The following NCAM1 variants were observed in gnomAD, a reference collection of about 807,000 sequenced individuals.
NCAM1 encodes the protein antigen recognized by monoclonal antibody 5.1H11.
NCAM1 carries 14 observed loss-of-function variants against 109.8 expected under a neutral mutation model. The ratio of observed to expected loss-of-function variants is 0.13; its 90% confidence interval spans 0.08 to 0.20. The LOEUF is 0.20. NCAM1 is among the 10% of genes least tolerant of loss of function. NCAM1 has a pLI of 1.00. For missense variants in NCAM1, 774 were observed against 1,109.9 expected (o/e 0.70, Z 4.30); for synonymous variants, 418 against 442.9 (o/e 0.94, Z 0.70).
chr11:113,256,311 T>C (rs1945832961), intron 16 of NCAM1, among the ~76,000 whole-genome samples: 2 of 152,214 alleles, frequency 1.3e-5, no homozygotes, highest in South Asian at 4.1e-4. Flanking sequence ...TAGTACTTCT[T>C]GTAAATGCCA....
chr11:113,268,851 G>T (rs201722905), intron 17 of NCAM1, among the ~76,000 whole-genome samples: 1 of 152,178 alleles, frequency 6.6e-6, no homozygotes. Flanking sequence ...GGTTGGGAGT[G>T]GGGTGGCTGG....
chr11:113,194,512 A>G (rs1943792967), intron 1 of NCAM1, among the ~76,000 whole-genome samples: 2 of 152,164 alleles, frequency 1.3e-5, no homozygotes, highest in Admixed American at 6.5e-5. Context: ...TGCTTGCTCT[A>G]TGAGTGTAAA....
chr11:113,242,208 A>G (rs1945347838), intron 14 of NCAM1, among the ~76,000 whole-genome samples: 1 of 152,270 alleles, frequency 6.6e-6, no homozygotes, highest in Non-Finnish European at 1.5e-5. Context: ...AGCATTTAGC[A>G]GCTGGAATTA....
intron 1 of NCAM1, among the ~76,000 whole-genome samples, chr11:113,177,071 AG>A (rs1450682971): frequency 1.6e-4 from 25 of 152,224 alleles, no homozygotes; most frequent in African/African-American, 5.1e-4. Context: ...ACAATGTGGC[AG>A]GGGTCATTGG....
At chr11:113,139,429 A>G (rs1941730136) in intron 1 of NCAM1, among the ~76,000 whole-genome samples, 1 of 151,162 alleles carries the variant, frequency 6.6e-6, no homozygotes, top group African/African-American at 2.4e-5. Flanking sequence ...TTTTTTTTTT[A>G]ACAAAATCTA....
chr11:113,195,054 C>G (rs371503187), intron 1 of NCAM1, among the ~76,000 whole-genome samples: 26 of 152,312 alleles, frequency 1.7e-4, no homozygotes, highest in African/African-American at 6.3e-4. Context: ...CTTCCAGTGG[C>G]AATTAATGTA....
chr11:113,147,660 G>A (rs895696431), intron 1 of NCAM1, among the ~76,000 whole-genome samples: 1 of 152,176 alleles, frequency 6.6e-6, no homozygotes, highest in African/African-American at 2.4e-5. Context: ...CTTGTAACAG[G>A]GACAGCTCCT....
chr11:113,121,723 G>T (rs1555096101), intron 1 of NCAM1, among the ~76,000 whole-genome samples: 1 of 152,028 alleles, frequency 6.6e-6, no homozygotes, highest in African/African-American at 2.4e-5. Context: ...TCCTTCTCCA[G>T]GAAAATAGAA....
intron 1 of NCAM1, among the ~76,000 whole-genome samples, chr11:113,004,753 T>G (rs76353047): frequency 3.7e-4 from 57 of 152,162 alleles, no homozygotes; most frequent in Non-Finnish European, 6.9e-4. Flanking sequence ...TGTTAGACAC[T>G]CAATGGGATT....
At chr11:112,993,288 G>A (rs1951513222) in intron 1 of NCAM1, among the ~76,000 whole-genome samples, 1 of 152,078 alleles carries the variant, frequency 6.6e-6, no homozygotes, top group Admixed American at 6.6e-5. Context: ...ATATCACATG[G>A]GGAAAGTAGG....
chr11:113,101,272 A>C (rs1483305738), intron 1 of NCAM1, among the ~76,000 whole-genome samples: 4 of 152,180 alleles, frequency 2.6e-5, no homozygotes, highest in African/African-American at 4.8e-5. Context: ...CAGTGCCAGG[A>C]AATTTTAATA....
At chr11:113,119,493 A>G (rs916985423) in intron 1 of NCAM1, among the ~76,000 whole-genome samples, 3 of 152,046 alleles carry the variant, frequency 2.0e-5, no homozygotes, top group Non-Finnish European at 2.9e-5. Context: ...TTTTTGTTGG[A>G]ATGGCTGGTA....
chr11:113,237,865 GATATATAGAT>G (rs1217272891), intron 14 of NCAM1, among the ~76,000 whole-genome samples: 5 of 65,846 alleles, frequency 7.6e-5, no homozygotes, highest in South Asian at 9.7e-4. Flanking sequence ...CATATATATA[GATATATAGAT>G]ATATATAGAT....
At chr11:113,021,666 A>G (rs1952388311) in intron 1 of NCAM1, among the ~76,000 whole-genome samples, 1 of 152,270 alleles carries the variant, frequency 6.6e-6, no homozygotes, top group Non-Finnish European at 1.5e-5. Context: ...GCAACTAATA[A>G]TGCCACAGCG....
intron 1 of NCAM1, among the ~76,000 whole-genome samples, chr11:113,199,757 C>T (rs895279545): frequency 1.4e-5 from 2 of 143,916 alleles, no homozygotes; most frequent in Non-Finnish European, 3.0e-5. Context: ...ACATTGTGCA[C>T]ATGTACCCTA....
intron 1 of NCAM1, among the ~76,000 whole-genome samples, chr11:113,147,026 C>T (rs1942044198): frequency 6.6e-6 from 1 of 151,222 alleles, no homozygotes; most frequent in African/African-American, 2.4e-5. Context: ...GAAGAATGAT[C>T]TCAATTGATA....
intron 1 of NCAM1, among the ~76,000 whole-genome samples, chr11:112,996,461 G>A (rs1360921433): frequency 6.6e-6 from 1 of 152,090 alleles, no homozygotes; most frequent in African/African-American, 2.4e-5. Context: ...ATGACATAAC[G>A]TACTTAACCT....
At chr11:113,020,496 T>C (rs184033480) in intron 1 of NCAM1, among the ~76,000 whole-genome samples, 7 of 152,304 alleles carry the variant, frequency 4.6e-5, no homozygotes, top group Admixed American at 2.0e-4. Context: ...ACCTTTGAAC[T>C]GTCCCTTATA....
intron 7 of NCAM1, among the ~76,000 whole-genome samples, chr11:113,210,014 T>C (rs555104248): frequency 6.6e-6 from 1 of 152,324 alleles, no homozygotes; most frequent in Non-Finnish European, 1.5e-5. Context: ...GGGCTGTGTC[T>C]GTTTTACTCA....
Sources: allele counts gnomAD v4.1 joint callset (sites outside exome capture counted in the v4.1 genomes callset), GRCh38; gene constraint gnomAD v4.1.1; transcripts MANE v1.5; gene names NCBI Gene and HGNC (gene_info 2026-07-23, HGNC 2026-07-21).